Variants in CTNNA2 observed in about 807,000 individuals in gnomAD.
CTNNA2 encodes catenin alpha-2.
A neutral mutation model predicts 101.0 loss-of-function variants in CTNNA2; 42 were observed. That is an observed-to-expected ratio of 0.42 (90% CI 0.32 to 0.54). The LOEUF is 0.54. CTNNA2 is among the 20% of genes least tolerant of loss of function. The pLI is 0.14. For missense variants in CTNNA2, 871 were observed against 1,223.1 expected (o/e 0.71, Z 4.29); for synonymous variants, 450 against 456.4 (o/e 0.99, Z 0.18).
At chr2:79,377,384 G>A (rs1340404966) in intron 4 of CTNNA2, among the ~76,000 whole-genome samples, 1 of 152,114 alleles carries the variant, frequency 6.6e-6, no homozygotes, top group Non-Finnish European at 1.5e-5. Flanking sequence ...ATCCCCAAAT[G>A]ATATGCACTG....
intron 7 of CTNNA2, among the ~76,000 whole-genome samples, chr2:80,021,495 A>G (rs1487104230): frequency 6.6e-6 from 1 of 152,112 alleles, no homozygotes; most frequent in Non-Finnish European, 1.5e-5. Flanking sequence ...CTTAACAAAG[A>G]CCACCTCAAA....
intron 2 of CTNNA2, among the ~76,000 whole-genome samples, chr2:79,679,221 A>G (rs1299427381): frequency 6.6e-6 from 1 of 152,198 alleles, no homozygotes; most frequent in African/African-American, 2.4e-5. Flanking sequence ...CTTTCTTTAA[A>G]TTATTTGTTT....
intron 3 of CTNNA2, among the ~76,000 whole-genome samples, chr2:79,857,629 G>C (rs1200212794): frequency 1.3e-5 from 2 of 152,152 alleles, no homozygotes; most frequent in Non-Finnish European, 2.9e-5. Flanking sequence ...TTTGTACCTC[G>C]ACTGTCAGTA....
chr2:79,487,751 A>T (rs1184144668), intron 4 of CTNNA2, among the ~76,000 whole-genome samples: 2 of 152,202 alleles, frequency 1.3e-5, no homozygotes, highest in African/African-American at 4.8e-5. Flanking sequence ...CTGAGTGAGA[A>T]CTACCCAAAT....
chr2:80,208,585 T>C (rs1380153846), intron 7 of CTNNA2, among the ~76,000 whole-genome samples: 1 of 151,898 alleles, frequency 6.6e-6, no homozygotes, highest in Non-Finnish European at 1.5e-5. Context: ...CTTATGGGAG[T>C]GATCAGGCAG....
At chr2:80,394,376 G>T (rs542718066) in intron 8 of CTNNA2, among the ~76,000 whole-genome samples, 16 of 152,186 alleles carry the variant, frequency 1.1e-4, no homozygotes, top group Admixed American at 4.6e-4. Context: ...ACTTGATCTG[G>T]TGTCCTTCAG....
intron 2 of CTNNA2, among the ~76,000 whole-genome samples, chr2:79,249,796 G>A (rs1045322935): frequency 2.6e-5 from 4 of 152,118 alleles, no homozygotes; most frequent in Non-Finnish European, 1.5e-5. Context: ...CCACTTAGAT[G>A]TTTAGTCCCC....
At chr2:80,637,350 G>A (rs1208490564) in intron 18 of CTNNA2, among the ~76,000 whole-genome samples, 2 of 152,150 alleles carry the variant, frequency 1.3e-5, no homozygotes, top group African/African-American at 4.8e-5. Flanking sequence ...TAAGTTTAGT[G>A]GTTGTTCAAG....
At chr2:80,301,499 G>A (rs1441476436) in intron 7 of CTNNA2, among the ~76,000 whole-genome samples, 1 of 152,156 alleles carries the variant, frequency 6.6e-6, no homozygotes, top group African/African-American at 2.4e-5. Flanking sequence ...GTTCCTAGGA[G>A]AAACTGTCTG....
intron 8 of CTNNA2, among the ~76,000 whole-genome samples, chr2:80,397,237 C>T (rs1235680487): frequency 6.6e-6 from 1 of 152,198 alleles, no homozygotes; most frequent in African/African-American, 2.4e-5. Flanking sequence ...AAAATGTAAA[C>T]TAATTTATAA....
chr2:79,503,772 A>C (rs914434286), intron 4 of CTNNA2, among the ~76,000 whole-genome samples: 4 of 152,318 alleles, frequency 2.6e-5, no homozygotes, highest in African/African-American at 9.6e-5. Flanking sequence ...ATAATAAAAA[A>C]TGTTTCAAAT....
chr2:79,607,813 A>G (rs542098640), intron 1 of CTNNA2, among the ~76,000 whole-genome samples: 1 of 152,266 alleles, frequency 6.6e-6, no homozygotes, highest in South Asian at 2.1e-4. Flanking sequence ...ATAAGAAAAA[A>G]GAAATATCTC....
intron 7 of CTNNA2, among the ~76,000 whole-genome samples, chr2:79,994,587 A>AGG (rs201518532): frequency 2.7e-5 from 4 of 150,758 alleles, no homozygotes; most frequent in Admixed American, 2.0e-4. Flanking sequence ...TCTGTTTCAT[A>AGG]GGAAAAAAAA....
chr2:79,644,307 G>T (rs1163694497), intron 1 of CTNNA2, among the ~76,000 whole-genome samples: 1 of 152,040 alleles, frequency 6.6e-6, no homozygotes, highest in Non-Finnish European at 1.5e-5. Flanking sequence ...CAAAGTGCTG[G>T]GATTACAGGC....
chr2:79,242,294 G>A (rs1162786463), intron 2 of CTNNA2, among the ~76,000 whole-genome samples: 2 of 152,060 alleles, frequency 1.3e-5, no homozygotes, highest in African/African-American at 4.8e-5. Context: ...CATATCTCAA[G>A]TATACCTATT....
chr2:79,885,807 G>A (rs1272651814), intron 6 of CTNNA2, among the ~76,000 whole-genome samples: 1 of 152,122 alleles, frequency 6.6e-6, no homozygotes, highest in Non-Finnish European at 1.5e-5. Context: ...CCACTGAATG[G>A]CCAATAGAAG....
intron 7 of CTNNA2, among the ~76,000 whole-genome samples, chr2:80,133,881 G>T (rs1280138093): frequency 6.6e-6 from 1 of 152,162 alleles, no homozygotes; most frequent in Non-Finnish European, 1.5e-5. Context: ...CAGACTATAT[G>T]TACTGAATTG....
chr2:79,292,628 G>A (rs1180193805), intron 2 of CTNNA2, among the ~76,000 whole-genome samples: 1 of 152,086 alleles, frequency 6.6e-6, no homozygotes, highest in Non-Finnish European at 1.5e-5. Context: ...GGTCATTGAG[G>A]CCCAGATGGA....
At chr2:79,869,098 A>G (rs928297276) in intron 4 of CTNNA2, among the ~76,000 whole-genome samples, 4 of 152,210 alleles carry the variant, frequency 2.6e-5, no homozygotes, top group Admixed American at 6.5e-5. Context: ...AATTTTGATG[A>G]AATTCACAAT....
Sources: gnomAD v4.1 joint callset for allele counts (sites outside exome capture counted in the v4.1 genomes callset) on GRCh38, gnomAD v4.1.1 for gene constraint, MANE v1.5 for transcripts, NCBI Gene and HGNC (gene_info 2026-07-23, HGNC 2026-07-21) for gene names.